Variants in GBE1 observed in about 807,000 individuals in gnomAD.
The protein encoded by GBE1 is 1,4-alpha-glucan-branching enzyme.
Under a neutral mutation model 88.8 loss-of-function variants are expected in GBE1, and 70 were observed. The ratio of observed to expected loss-of-function variants is 0.79; its 90% CI spans 0.65 to 0.96. The LOEUF is 0.96. Ranked by LOEUF, GBE1 falls within the 40% of genes least tolerant of loss-of-function variation. The pLI, the probability that GBE1 is intolerant of heterozygous loss-of-function variation, is 0.00. For synonymous variants in GBE1, 284 were observed against 300.1 expected, an observed-to-expected ratio of 0.95 and a Z score of 0.56; for missense variants, 872 against 871.0, an observed-to-expected ratio of 1.00 and a Z score of -0.01.
At position 81,693,541 on chromosome 3, in the gene GBE1, G is replaced by A. The variant is rs558724004; in HGVS notation, c.313+11903C>T. Among the ~76,000 whole-genome samples the A allele has an allele frequency of 1.5e-3, 228 of 152,202 alleles. 1 individual carries two copies. The highest frequency in any genetic ancestry group is 6.8e-3 in the Middle Eastern group (2 of 292). On this transcript the variant is annotated intron_variant, in intron 2 of 15. Transcript: ENST00000429644. ...ATCCATTTCCTCCGCTAGAAGAGAA[G>A]GTTATTGTCCCTCTTGTGCATTGCT...
chr3:81,515,176 G>A (rs1003243666), intron 14 of GBE1, among the ~76,000 whole-genome samples: 4 of 151,332 alleles, frequency 2.6e-5, no homozygotes, highest in Non-Finnish European at 4.4e-5. Flanking sequence ...TTGTAGCAAC[G>A]CTGCATCCAG....
chr3:81,589,129 T>C (rs1278753813), intron 9 of GBE1, among the ~76,000 whole-genome samples: 1 of 152,118 alleles, frequency 6.6e-6, no homozygotes, highest in African/African-American at 2.4e-5. Context: ...AAAATGATTC[T>C]GTGTTTGGGA....
chr3:81,657,977 A>C (rs1704966832), intron 3 of GBE1, among the ~76,000 whole-genome samples: 1 of 152,192 alleles, frequency 6.6e-6, no homozygotes, highest in African/African-American at 2.4e-5. Flanking sequence ...GGAGAAAAGA[A>C]GATATCCTGG....
intron 2 of GBE1, among the ~76,000 whole-genome samples, chr3:81,697,995 G>A (rs1464653405): frequency 6.8e-6 from 1 of 146,360 alleles, no homozygotes; most frequent in African/African-American, 2.5e-5. Flanking sequence ...TATCTATTAG[G>A]TATAATATAT....
intron 14 of GBE1, among the ~76,000 whole-genome samples, chr3:81,518,559 T>C (rs1027605036): frequency 1.3e-5 from 2 of 151,416 alleles, no homozygotes; most frequent in African/African-American, 4.8e-5. Flanking sequence ...AGCTAAATCA[T>C]AGGCTTTTTA....
intron 14 of GBE1, among the ~76,000 whole-genome samples, chr3:81,527,331 C>T (rs1490593585): frequency 2.6e-5 from 4 of 151,758 alleles, no homozygotes; most frequent in East Asian, 3.9e-4. Flanking sequence ...ATGTCTAAAA[C>T]ACCAAAAGCA....
intron 7 of GBE1, among the ~76,000 whole-genome samples, chr3:81,627,160 T>C (rs1415177557): frequency 6.6e-6 from 1 of 152,200 alleles, no homozygotes; most frequent in African/African-American, 2.4e-5. Flanking sequence ...ATGGGCTTCA[T>C]TTCTACTCAT....
At chr3:81,743,612 C>T in intron 1 of GBE1, 1 of 1,534,494 alleles carries the variant, frequency 6.5e-7, no homozygotes, top group Middle Eastern at 1.7e-4. Context: ...TTAATCTGGG[C>T]CGAATCCAAG....
intron 1 of GBE1, among the ~76,000 whole-genome samples, chr3:81,713,320 T>G (rs1379999525): frequency 6.6e-6 from 1 of 152,160 alleles, no homozygotes; most frequent in East Asian, 1.9e-4. Context: ...GCATTACATG[T>G]GTAAAAATTG....
intron 7 of GBE1, among the ~76,000 whole-genome samples, chr3:81,626,052 T>A (rs2107022930): frequency 6.6e-6 from 1 of 152,320 alleles, no homozygotes; most frequent in East Asian, 1.9e-4. Flanking sequence ...TACATGTTGA[T>A]GCTAGTTTAG....
At chr3:81,547,985 C>T (rs1354413401) in intron 12 of GBE1, among the ~76,000 whole-genome samples, 2 of 151,310 alleles carry the variant, frequency 1.3e-5, no homozygotes, top group African/African-American at 4.8e-5. Context: ...TGGGAGATGA[C>T]CTTTTAACCA....
chr3:81,552,523 A>T lies in GBE1; in HGVS notation c.1619-15428T>A, dbSNP rs1419672556. 2.3e-3 allele frequency among the ~76,000 whole-genome samples: 251 copies of T among 110,018 alleles called. 1 individual carries two copies. The highest frequency in any genetic ancestry group is 7.7e-3 in the African/African-American group (172 of 22,454). 72.2% of individuals were successfully genotyped at this position (110,018 alleles called of 152,430 possible). On this transcript the variant is annotated intron_variant, in intron 12 of 15. Transcript: ENST00000429644. Reference sequence around the variant, plus strand: ...CAGAGCAAGGCTCTATCTTATATAAAAAAAAAAAAAAAAAAAAAAAAAAGA... The same window carrying T: ...CAGAGCAAGGCTCTATCTTATATAATAAAAAAAAAAAAAAAAAAAAAAAGA...
chr3:81,660,040 T>C (rs200196677), intron 3 of GBE1, among the ~76,000 whole-genome samples: 6 of 152,158 alleles, frequency 3.9e-5, no homozygotes, highest in African/African-American at 1.2e-4. Context: ...GAAATAGATA[T>C]GTATGTACAA....
intron 6 of GBE1, among the ~76,000 whole-genome samples, chr3:81,645,055 T>C (rs1704745170): frequency 1.3e-5 from 2 of 152,172 alleles, no homozygotes; most frequent in Non-Finnish European, 2.9e-5. Flanking sequence ...TGAAGTTTGA[T>C]ATATGTATTA....
At chr3:81,579,450 G>T (rs1451011386) in intron 11 of GBE1, among the ~76,000 whole-genome samples, 2 of 151,976 alleles carry the variant, frequency 1.3e-5, no homozygotes, top group Non-Finnish European at 2.9e-5. Flanking sequence ...TTTCTTTACA[G>T]ATTAGGTAGA....
chr3:81,737,302 AATATATATTT>A (rs1435063981), intron 1 of GBE1, among the ~76,000 whole-genome samples: 56 of 132,266 alleles, frequency 4.2e-4, no homozygotes, highest in South Asian at 1.1e-3. Context: ...TATTTATATA[AATATATATTT>A]ATATATATTT....
intron 3 of GBE1, among the ~76,000 whole-genome samples, chr3:81,660,194 T>G (rs1447711369): frequency 6.6e-6 from 1 of 152,174 alleles, no homozygotes; most frequent in Non-Finnish European, 1.5e-5. Context: ...TTAACAGCAT[T>G]CCAGTAGGTT....
chr3:81,642,759 T>C, intron 7 of GBE1, 22 bp downstream of exon 7: 1 of 1,462,010 alleles, frequency 6.8e-7, no homozygotes, highest in Non-Finnish European at 9.6e-7. Context: ...ATAGAAAACA[T>C]TTCTATATTG....
At chr3:81,548,340 C>T (rs1703234405) in intron 12 of GBE1, among the ~76,000 whole-genome samples, 2 of 151,392 alleles carry the variant, frequency 1.3e-5, no homozygotes, top group Non-Finnish European at 3.0e-5. Flanking sequence ...TTGGTTTTAA[C>T]ATTAATAGTA....
Sources: gnomAD v4.1 joint callset for allele counts (sites outside exome capture counted in the v4.1 genomes callset) on GRCh38, gnomAD v4.1.1 for gene constraint, MANE v1.5 for transcripts, NCBI Gene and HGNC (gene_info 2026-07-23, HGNC 2026-07-21) for gene names.